Variants in COL25A1 observed in about 807,000 individuals in gnomAD.
COL25A1 encodes collagen type XXV alpha 1 chain, also known as collagen alpha-1(XXV) chain.
Under a neutral mutation model 128.4 loss-of-function variants are expected in COL25A1, and 103 were observed. That is an observed-to-expected ratio of 0.80 (90% CI 0.68 to 0.94). The LOEUF is 0.94. Among genes scored for constraint, COL25A1 ranks in the 40% least tolerant of loss-of-function variants. The probability of loss-of-function intolerance (pLI) is 0.00; values close to 1 mark genes in which losing one functional copy is unlikely to be tolerated. For missense variants in COL25A1, 745 were observed against 840.0 expected, an observed-to-expected ratio of 0.89 and a Z score of 1.40; for synonymous variants, 279 against 277.2, an observed-to-expected ratio of 1.01 and a Z score of -0.06.
At chr4:109,134,640 G>A (rs1769535754) in intron 3 of COL25A1, among the ~76,000 whole-genome samples, 1 of 152,150 alleles carries the variant, frequency 6.6e-6, no homozygotes, top group African/African-American at 2.4e-5. Context: ...TTGGTTATTA[G>A]ATAATCACAT....
At chr4:108,971,496 T>C (rs1358925425) in intron 8 of COL25A1, among the ~76,000 whole-genome samples, 2 of 152,160 alleles carry the variant, frequency 1.3e-5, no homozygotes, top group African/African-American at 4.8e-5. Flanking sequence ...GAAGTTTCAA[T>C]GATAAGAAGA....
intron 26 of COL25A1, among the ~76,000 whole-genome samples, chr4:108,851,921 T>C (rs1735823012): frequency 6.6e-6 from 1 of 152,166 alleles, no homozygotes; most frequent in Non-Finnish European, 1.5e-5. Flanking sequence ...TTTCTTTTGT[T>C]TTCATACACC....
At chr4:109,154,331 T>A (rs903501290) in intron 3 of COL25A1, among the ~76,000 whole-genome samples, 5 of 152,184 alleles carry the variant, frequency 3.3e-5, no homozygotes, top group African/African-American at 7.2e-5. Context: ...AAAACAACCA[T>A]CTGTCTTCTA....
chr4:109,058,634 T>C (rs1414843476), intron 3 of COL25A1, among the ~76,000 whole-genome samples: 1 of 152,348 alleles, frequency 6.6e-6, no homozygotes, highest in Non-Finnish European at 1.5e-5. Context: ...ATAATCTTCA[T>C]GGAAAATTTA....
At chr4:109,282,762 C>G (rs1191886775) in intron 3 of COL25A1, among the ~76,000 whole-genome samples, 4 of 152,152 alleles carry the variant, frequency 2.6e-5, no homozygotes, top group Admixed American at 1.3e-4. Flanking sequence ...GTAATTCCAC[C>G]TATAGGTAAT....
chr4:108,820,173 C>T (rs978947159), intron 35 of COL25A1, among the ~76,000 whole-genome samples: 20 of 152,152 alleles, frequency 1.3e-4, no homozygotes, highest in African/African-American at 3.4e-4. Flanking sequence ...CACAATGTCA[C>T]GATCATGAAT....
At chr4:109,022,777 C>A (rs1034059376) in intron 5 of COL25A1, among the ~76,000 whole-genome samples, 1 of 152,110 alleles carries the variant, frequency 6.6e-6, no homozygotes, top group Non-Finnish European at 1.5e-5. Context: ...AAAGTATACA[C>A]CAGAGCATAC....
At chr4:109,070,344 T>G (rs982025704) in intron 3 of COL25A1, among the ~76,000 whole-genome samples, 1 of 143,778 alleles carries the variant, frequency 7.0e-6, no homozygotes, top group South Asian at 2.2e-4. Context: ...TTATTTCATG[T>G]GCATAACATT....
At chr4:109,079,282 G>T (rs914420320) in intron 3 of COL25A1, among the ~76,000 whole-genome samples, 2 of 152,090 alleles carry the variant, frequency 1.3e-5, no homozygotes, top group Non-Finnish European at 2.9e-5. Context: ...ACAGCTGAAT[G>T]CTCTCATTGT....
intron 3 of COL25A1, among the ~76,000 whole-genome samples, chr4:109,257,781 T>C (rs898049450): frequency 1.2e-4 from 18 of 152,184 alleles, no homozygotes; most frequent in African/African-American, 3.4e-4. Context: ...GAAGTGGGCA[T>C]GTAAAGGAAA....
chr4:109,263,725 C>T lies in COL25A1; in HGVS notation c.367+36858G>A, dbSNP rs10488878. Among the ~76,000 whole-genome samples, 1,119 of 152,340 alleles carry T rather than the reference C, an allele frequency of 7.3e-3. 17 individuals carry two copies. Among genetic ancestry groups the T allele is most frequent in the African/African-American group, 0.024 (1,016 of 41,588 alleles). Reference sequence around the variant, plus strand: ...CGTATTGCTGCCTTGCTTTCTGTCACTGAGCACTGGGCCCTCTGCTCTCTA... The same window carrying T: ...CGTATTGCTGCCTTGCTTTCTGTCATTGAGCACTGGGCCCTCTGCTCTCTA... On this transcript the variant is annotated intron_variant, in intron 3 of 37. Coordinates refer to ENST00000399132, the MANE Select transcript of COL25A1 (RefSeq NM_198721.4).
At chr4:109,071,705 C>T (rs1027615388) in intron 3 of COL25A1, among the ~76,000 whole-genome samples, 1 of 152,190 alleles carries the variant, frequency 6.6e-6, no homozygotes, top group Non-Finnish European at 1.5e-5. Context: ...AAATGCTCAT[C>T]ATCACTGGCC....
At chr4:108,970,313 A>G (rs573336100) in intron 8 of COL25A1, among the ~76,000 whole-genome samples, 77 of 152,226 alleles carry the variant, frequency 5.1e-4, no homozygotes, top group Non-Finnish European at 9.3e-4. Context: ...ACCACGCTAG[A>G]CATTCAAAAT....
intron 3 of COL25A1, among the ~76,000 whole-genome samples, chr4:109,251,184 T>C (rs1780622934): frequency 6.6e-6 from 1 of 152,168 alleles, no homozygotes; most frequent in Admixed American, 6.5e-5. Context: ...AACATATTCA[T>C]AACAAAATAA....
intron 3 of COL25A1, among the ~76,000 whole-genome samples, chr4:109,279,293 C>T (rs112577549): frequency 6.6e-5 from 10 of 152,194 alleles, no homozygotes; most frequent in South Asian, 4.2e-4. Context: ...CCAGAAAGAA[C>T]GGAATTTTAG....
At chr4:109,165,886 A>G (rs1773026439) in intron 3 of COL25A1, among the ~76,000 whole-genome samples, 1 of 152,220 alleles carries the variant, frequency 6.6e-6, no homozygotes, top group Admixed American at 6.5e-5. Context: ...TTGTACATAA[A>G]CAGTTGTTCA....
chr4:109,095,181 A>C (rs1412780348), intron 3 of COL25A1, among the ~76,000 whole-genome samples: 1 of 152,228 alleles, frequency 6.6e-6, no homozygotes, highest in Admixed American at 6.5e-5. Context: ...GAAATCCCTC[A>C]AATGCTAACA....
chr4:109,284,543 G>T (rs1443621093), intron 3 of COL25A1, among the ~76,000 whole-genome samples: 4 of 152,128 alleles, frequency 2.6e-5, no homozygotes, highest in African/African-American at 7.2e-5. Flanking sequence ...AATTCCAAAG[G>T]TGCTCATAAA....
intron 13 of COL25A1, among the ~76,000 whole-genome samples, chr4:108,915,731 C>T (rs1744802994): frequency 6.6e-6 from 1 of 152,060 alleles, no homozygotes; most frequent in African/African-American, 2.4e-5. Flanking sequence ...GAAATTATAT[C>T]CTCCCCTAAC....
Sources: gnomAD v4.1 joint callset for allele counts (sites outside exome capture counted in the v4.1 genomes callset) on GRCh38, gnomAD v4.1.1 for gene constraint, MANE v1.5 for transcripts, NCBI Gene and HGNC (gene_info 2026-07-23, HGNC 2026-07-21) for gene names.